The following UTP18 variants were observed in gnomAD, a reference collection of about 807,000 sequenced individuals.
The protein encoded by UTP18 is U3 small nucleolar RNA-associated protein 18 homolog.
In UTP18, 36 loss-of-function variants were observed where a neutral mutation model predicts 61.1. That is an observed-to-expected ratio of 0.59 (90% CI 0.45 to 0.78). The LOEUF (loss-of-function observed/expected upper bound fraction) is 0.78. Among genes scored for constraint, UTP18 ranks in the 30% least tolerant of loss-of-function variants. The probability of loss-of-function intolerance (pLI) is 0.00; values close to 1 mark genes in which losing one functional copy is unlikely to be tolerated. For synonymous variants in UTP18, 282 were observed against 251.1 expected, an observed-to-expected ratio of 1.12 and a Z score of -1.16; for missense variants, 753 against 693.9, an observed-to-expected ratio of 1.09 and a Z score of -0.96.
intron 12 of UTP18, among the ~76,000 whole-genome samples, chr17:51,294,794 G>C (rs1409313744): frequency 6.6e-6 from 1 of 151,930 alleles, no homozygotes; most frequent in East Asian, 1.9e-4. Context: ...TTCCACAATG[G>C]TTGAACTAGT....
intron 2 of UTP18, among the ~76,000 whole-genome samples, chr17:51,264,045 TA>T (rs1463285368): frequency 1.3e-5 from 2 of 151,764 alleles, no homozygotes; most frequent in African/African-American, 2.4e-5. Flanking sequence ...TTTTTTTAAT[TA>T]TTTTTTTTGA....
rs755062793 is a variant in UTP18 at position 51,280,463 on chromosome 17, A to C, written c.1188A>C (p.Lys396Asn). 7.4e-6 allele frequency: 12 copies of C among 1,614,066 alleles called. No individual in the cohort carries two copies. The highest frequency in any genetic ancestry group is 1.0e-5 in the Non-Finnish European group (12 of 1,180,020). Residue 396 changes from lysine (K) to asparagine (N), a missense_variant, in exon 9 of 14, where the codon AAA becomes AAC. Physicochemically the swap from Lys to Asn is moderately conservative, Grantham distance 94 (BLOSUM62 0). Coordinates refer to ENST00000225298, the MANE Select transcript of UTP18 (RefSeq NM_016001.3). The stretch of plus-strand genomic sequence containing the variant: ...CCACATTCTCTTCAGATAGTAAGAA[A>C]GTATACGCCTCTTCGGGTAAGACAA... ...AASTFSSDSKKVYASSGDGEV... is the reference protein window; with the variant it reads ...AASTFSSDSKNVYASSGDGEV...
Position 51,280,030 on chromosome 17 carries a change from C to G in UTP18, c.1038C>G (p.Ser346Arg), listed in dbSNP as rs187386651. The G allele has an allele frequency of 1.3e-5, 21 of 1,613,840 alleles. No individual in the cohort carries two copies. In the Admixed American group the frequency reaches 3.2e-4, roughly 24 times the overall value. The change falls in exon 8 of 14, where the codon AGC becomes AGG. Residue 346 changes from serine to arginine, a missense_variant. Transcript: ENST00000225298. ...GTTTGAAAGAGAAGATAGTGAGGAG[C>G]TTTGAAGTCTCCCCAGATGGGTCCT... ...VRGLKEKIVR[S>R]FEVSPDGSFL...
At chr17:51,273,033 C>G (rs1001795426) in intron 4 of UTP18, among the ~76,000 whole-genome samples, 1 of 152,138 alleles carries the variant, frequency 6.6e-6, no homozygotes, top group East Asian at 1.9e-4. Context: ...ATGAGTTGCT[C>G]TTTTTAAATG....
At chr17:51,280,280 A>G in intron 8 of UTP18, 109 bp from the exon 9 acceptor site, 1 of 1,358,218 alleles carries the variant, frequency 7.4e-7, no homozygotes, top group Non-Finnish European at 1.0e-6. Flanking sequence ...AGGGAAAAAT[A>G]AAGTTGAGTA....
intron 6 of UTP18, among the ~76,000 whole-genome samples, chr17:51,276,806 T>C (rs1904736211): frequency 6.6e-6 from 1 of 152,312 alleles, no homozygotes; most frequent in African/African-American, 2.4e-5. Context: ...TCCTTATCTG[T>C]GGGTGGACAA....
Position 51,271,699 on chromosome 17 carries a change from G to C in UTP18, c.623-1663G>C, listed in dbSNP as rs568869233. ...TGTTATTATTTTTTGAGTTAGTCTTGCTCTGTCGTGTAGGCTGGAGTGCAG... is the reference window on the plus strand; with the variant it reads ...TGTTATTATTTTTTGAGTTAGTCTTCCTCTGTCGTGTAGGCTGGAGTGCAG... On this transcript the variant is annotated intron_variant, in intron 4 of 13. Transcript: ENST00000225298. Among the ~76,000 whole-genome samples the C allele has an allele frequency of 9.2e-5, 14 of 152,158 alleles. No homozygotes were observed. The East Asian group carries it at 2.7e-3, about 29-fold the overall frequency.
chr17:51,262,090 G>C (rs2055506485), intron 1 of UTP18, among the ~76,000 whole-genome samples: 1 of 151,620 alleles, frequency 6.6e-6, no homozygotes, highest in Non-Finnish European at 1.5e-5. Flanking sequence ...TCTAGGTTTA[G>C]ATTTTTTTTT....
chr17:51,261,288 T>C (rs538999175), intron 1 of UTP18, among the ~76,000 whole-genome samples: 1 of 152,302 alleles, frequency 6.6e-6, no homozygotes, highest in Admixed American at 6.5e-5. Context: ...GATTCAGGAA[T>C]TCGATTTCGT....
At chr17:51,271,969 A>G (rs895102261) in intron 4 of UTP18, among the ~76,000 whole-genome samples, 4 of 151,442 alleles carry the variant, frequency 2.6e-5, no homozygotes, top group African/African-American at 4.9e-5. Context: ...TGCCTGGCCT[A>G]TTGGGGGCTT....
chr17:51,280,302 A>G (rs1597849006), intron 8 of UTP18, 87 bp from the exon 9 acceptor site: 1 of 1,456,618 alleles, frequency 6.9e-7, no homozygotes, highest in Non-Finnish European at 9.4e-7. Flanking sequence ...GTGCTAGAAA[A>G]TAGAGAACTA....
intron 2 of UTP18, 32 bp from the exon 3 acceptor site, chr17:51,266,150 G>A (rs780175002): frequency 4.7e-5 from 70 of 1,493,076 alleles, no homozygotes; most frequent in Non-Finnish European, 1.8e-6. Flanking sequence ...CTCTTTAAAA[G>A]TTATTTAAAA....
At chr17:51,269,633 C>T (rs183361015) in intron 4 of UTP18, among the ~76,000 whole-genome samples, 2 of 152,098 alleles carry the variant, frequency 1.3e-5, no homozygotes, top group Admixed American at 6.5e-5. Context: ...CCTCATGGTA[C>T]GTAAATGCAG....
At chr17:51,272,513 G>A (rs544129362) in intron 4 of UTP18, among the ~76,000 whole-genome samples, 2 of 151,890 alleles carry the variant, frequency 1.3e-5, no homozygotes, top group African/African-American at 4.8e-5. Flanking sequence ...TATTTGCCTG[G>A]TTATATTTCA....
At chr17:51,277,719 ATTTATAT>A (rs1439369834) in intron 7 of UTP18, among the ~76,000 whole-genome samples, 4 of 152,158 alleles carry the variant, frequency 2.6e-5, no homozygotes, top group Admixed American at 2.0e-4. Flanking sequence ...TAAAATTTTG[ATTTATAT>A]TTAAAGGGAA....
chr17:51,271,856 CG>C (rs1473476417), intron 4 of UTP18, among the ~76,000 whole-genome samples: 1 of 151,818 alleles, frequency 6.6e-6, no homozygotes, highest in African/African-American at 2.4e-5. Flanking sequence ...TTAGTAGACA[CG>C]GGGTTTCACC....
At chr17:51,283,000 C>G (rs1346528831) in intron 9 of UTP18, among the ~76,000 whole-genome samples, 1 of 151,372 alleles carries the variant, frequency 6.6e-6, no homozygotes, top group African/African-American at 2.4e-5. Flanking sequence ...TCCTGAGTAG[C>G]TGGAATTACA....
At chr17:51,280,316 T>G in intron 8 of UTP18, 73 bp from the exon 9 acceptor site, 2 of 1,516,172 alleles carry the variant, frequency 1.3e-6, no homozygotes, top group South Asian at 2.4e-5. Context: ...AGAACTAGGT[T>G]GTTTTTACTC....
chr17:51,275,748 T>TA (rs1302795523), intron 5 of UTP18, 118 bp from the exon 6 acceptor site: 28 of 1,009,838 alleles, frequency 2.8e-5, no homozygotes, highest in Non-Finnish European at 3.6e-5. Context: ...TGTGTTTGGT[T>TA]ACCATTCCAG....
Sources: allele counts gnomAD v4.1 joint callset (sites outside exome capture counted in the v4.1 genomes callset), GRCh38; gene constraint gnomAD v4.1.1; transcripts MANE v1.5; gene names NCBI Gene and HGNC (gene_info 2026-07-23, HGNC 2026-07-21).